COG5: variants seen among roughly 807,000 people sequenced by gnomAD.
COG5 encodes component of oligomeric golgi complex 5.
Under a neutral mutation model 110.4 loss-of-function variants are expected in COG5, and 86 were observed. The ratio of observed to expected loss-of-function variants is 0.78; its 90% CI spans 0.65 to 0.93. COG5 has a LOEUF of 0.93. Among genes scored for constraint, COG5 ranks in the 40% least tolerant of loss-of-function variants. COG5 has a pLI of 0.00. For missense variants in COG5, 1,077 were observed against 987.0 expected, an observed-to-expected ratio of 1.09 and a Z score of -1.22; for synonymous variants, 360 against 334.6, an observed-to-expected ratio of 1.08 and a Z score of -0.83.
At chr7:107,307,493 C>T (rs1807829381) in intron 11 of COG5, among the ~76,000 whole-genome samples, 1 of 152,170 alleles carries the variant, frequency 6.6e-6, no homozygotes, top group Non-Finnish European at 1.5e-5. Flanking sequence ...TTTGTCAACT[C>T]TTGTTTTTAT....
intron 6 of COG5, among the ~76,000 whole-genome samples, chr7:107,520,546 T>G (rs1021553713): frequency 3.9e-5 from 6 of 152,042 alleles, no homozygotes; most frequent in African/African-American, 1.5e-4. Flanking sequence ...CACTCACAAC[T>G]GCTACAAAGA....
intron 14 of COG5, among the ~76,000 whole-genome samples, chr7:107,259,183 TAATCC>T (rs1803124007): frequency 6.6e-6 from 1 of 152,122 alleles, no homozygotes; most frequent in Admixed American, 6.6e-5. Context: ...GATCAGATTT[TAATCC>T]AATCCTTTAT....
intron 10 of COG5, 100 bp from the exon 11 acceptor site, chr7:107,324,621 T>G: frequency 1.5e-6 from 1 of 646,346 alleles, no homozygotes; most frequent in South Asian, 2.1e-5. Context: ...ATTTAAAATT[T>G]AAATAAAAAT....
intron 5 of COG5, among the ~76,000 whole-genome samples, chr7:107,541,817 G>A (rs1802060884): frequency 6.6e-6 from 1 of 151,196 alleles, no homozygotes; most frequent in African/African-American, 2.4e-5. Context: ...TGTACTCCCA[G>A]CTACTCAGGA....
chr7:107,556,252 A>G (rs1803308395), intron 2 of COG5, among the ~76,000 whole-genome samples: 1 of 152,130 alleles, frequency 6.6e-6, no homozygotes, highest in South Asian at 2.1e-4. Context: ...TATTCACCCA[A>G]CAATTTTATA....
intron 10 of COG5, among the ~76,000 whole-genome samples, chr7:107,346,906 A>T (rs1811664048): frequency 1.3e-5 from 2 of 152,096 alleles, no homozygotes; most frequent in Non-Finnish European, 2.9e-5. Flanking sequence ...CAACAGGAGG[A>T]TATTAACCCA....
At chr7:107,419,351 AT>A (rs376785014) in intron 6 of COG5, among the ~76,000 whole-genome samples, 1,587 of 152,204 alleles carry the variant, frequency 0.01, 14 homozygotes, top group African/African-American at 0.036. Flanking sequence ...AAAACCAATA[AT>A]TTAAACAAAA....
In COG5 at chr7:107,298,174, T is replaced by C. The variant is rs1327142509; in HGVS notation, c.1281A>G (p.Gln427=). ...VDLQHMEDDA[Q]DIFIPKKPDY... is the part of the protein sequence containing the mutation. The stretch of plus-strand genomic sequence containing the variant: ...CTGGCTTTTTTGGTATGAATATATC[T>C]TGTGCATCATCTTCCATGTGTTGTA... The change falls in exon 12 of 22, where the codon CAA becomes CAG. Residue 427 remains glutamine, a synonymous_variant. Transcript: ENST00000297135. The C allele has an allele frequency of 8.7e-6, 14 of 1,611,722 alleles. No individual in the cohort carries two copies. Among genetic ancestry groups the C allele is most frequent in the Non-Finnish European group, 1.2e-5 (14 of 1,178,598 alleles).
At chr7:107,434,199 A>G (rs1213104529) in intron 6 of COG5, among the ~76,000 whole-genome samples, 2 of 152,180 alleles carry the variant, frequency 1.3e-5, no homozygotes, top group African/African-American at 4.8e-5. Context: ...AAAAATTGGA[A>G]CCTTTGTGCA....
In COG5 at chr7:107,225,108, A is replaced by C. The variant is rs973306419; in HGVS notation, c.2168+5507T>G. Among the ~76,000 whole-genome samples the C allele has an allele frequency of 2.0e-5, 3 of 152,118 alleles. No individual in the cohort carries two copies. The South Asian group carries it at 6.2e-4, about 32-fold the overall frequency. On this transcript the variant is annotated intron_variant, in intron 19 of 21. Transcript: ENST00000297135. ...GGTCTGGACTCAAACTCCAGCTGGC[A>C]CTGTCATCTTCCATTATGAAGGGAC... is the stretch of plus-strand genomic sequence containing the variant.
chr7:107,563,296 G>C (rs1376740814), intron 1 of COG5, among the ~76,000 whole-genome samples: 1 of 151,124 alleles, frequency 6.6e-6, no homozygotes, highest in Non-Finnish European at 1.5e-5. Context: ...GCCTCATAAA[G>C]GAGGAAAAAA....
Position 107,297,561 on chromosome 7 carries a change from G to C in COG5, c.1313+581C>G, listed in dbSNP as rs374635354. 6.9e-5 allele frequency among the ~76,000 whole-genome samples: 10 copies of C among 145,724 alleles called. No homozygotes were observed. The South Asian group carries it at 2.2e-3, about 31-fold the overall frequency. ...TCTCCCGGGTTCAAGCGACTCTCCTGCCTCAGTCTCCCGAGTAGATGGGAT... is the reference window on the plus strand; with the variant it reads ...TCTCCCGGGTTCAAGCGACTCTCCTCCCTCAGTCTCCCGAGTAGATGGGAT... On this transcript the variant is annotated intron_variant, in intron 12 of 21. Transcript: ENST00000297135.
chr7:107,536,942 A>G (rs1447786164), intron 5 of COG5, among the ~76,000 whole-genome samples: 2 of 152,136 alleles, frequency 1.3e-5, no homozygotes, highest in East Asian at 3.8e-4. Context: ...AGAAATATAG[A>G]TCAATGGAAC....
At chr7:107,288,332 A>G (rs1002615216) in intron 12 of COG5, among the ~76,000 whole-genome samples, 4 of 152,226 alleles carry the variant, frequency 2.6e-5, no homozygotes, top group African/African-American at 9.6e-5. Flanking sequence ...ACTGCACTCT[A>G]GCCTGGGCTA....
intron 14 of COG5, chr7:107,258,613 G>C: frequency 1.8e-6 from 1 of 569,390 alleles, no homozygotes; most frequent in Non-Finnish European, 3.1e-6. Flanking sequence ...GGATGTGGAA[G>C]CACAATTGGT....
intron 6 of COG5, among the ~76,000 whole-genome samples, chr7:107,430,404 AGAGTTT>A (rs1425693992): frequency 2.6e-5 from 4 of 152,204 alleles, no homozygotes; most frequent in African/African-American, 9.7e-5. Context: ...TATAAATGTC[AGAGTTT>A]ATTTCTGGAC....
intron 1 of COG5, among the ~76,000 whole-genome samples, chr7:107,561,309 A>G (rs1035852965): frequency 6.6e-6 from 1 of 152,228 alleles, no homozygotes; most frequent in Non-Finnish European, 1.5e-5. Context: ...AATCCCCGAT[A>G]TAGTGAATCA....
intron 7 of COG5, among the ~76,000 whole-genome samples, chr7:107,382,920 C>T (rs1406434555): frequency 6.6e-6 from 1 of 152,172 alleles, no homozygotes; most frequent in African/African-American, 2.4e-5. Context: ...GTAAATCAAA[C>T]AGCAGTCTCC....
intron 6 of COG5, among the ~76,000 whole-genome samples, chr7:107,417,970 A>G (rs1793003957): frequency 6.6e-6 from 1 of 152,126 alleles, no homozygotes; most frequent in South Asian, 2.1e-4. Flanking sequence ...TTTACATATT[A>G]TTTCTTGAGG....
Sources: gnomAD v4.1 joint callset for allele counts (sites outside exome capture counted in the v4.1 genomes callset) on GRCh38, gnomAD v4.1.1 for gene constraint, MANE v1.5 for transcripts, NCBI Gene and HGNC (gene_info 2026-07-23, HGNC 2026-07-21) for gene names.